The following PSEN1 variants were observed in gnomAD, a reference collection of about 807,000 sequenced individuals.
The protein encoded by PSEN1 is presenilin-1.
PSEN1 carries 15 observed loss-of-function variants against 53.5 expected under a neutral mutation model. That is an observed-to-expected ratio of 0.28 (90% CI 0.19 to 0.43). The LOEUF (loss-of-function observed/expected upper bound fraction) is 0.43, where lower values mean the gene tolerates loss of function less well. PSEN1 is among the 20% of genes least tolerant of loss of function. The pLI is 1.00. For synonymous variants in PSEN1, 208 were observed against 209.8 expected, an observed-to-expected ratio of 0.99 and a Z score of 0.08; for missense variants, 387 against 571.2, an observed-to-expected ratio of 0.68 and a Z score of 3.29.
intron 3 of PSEN1, among the ~76,000 whole-genome samples, chr14:73,157,110 T>G (rs1055752350): frequency 6.6e-6 from 1 of 150,794 alleles, no homozygotes; most frequent in Admixed American, 6.6e-5. Context: ...ACCTACACAC[T>G]CCCTTGAGAA....
intron 8 of PSEN1, among the ~76,000 whole-genome samples, chr14:73,204,585 A>G (rs535879353): frequency 1.3e-5 from 2 of 151,770 alleles, no homozygotes; most frequent in Admixed American, 6.6e-5. Flanking sequence ...TGAAATGTTT[A>G]CTCCCTGGCC....
intron 7 of PSEN1, among the ~76,000 whole-genome samples, chr14:73,193,708 G>A (rs746164478): frequency 6.6e-6 from 1 of 151,914 alleles, no homozygotes; most frequent in Non-Finnish European, 1.5e-5. Context: ...CCAGGCTGGG[G>A]TGCAGTGGCA....
At chr14:73,180,911 TAATTA>T (rs1898191731) in intron 5 of PSEN1, among the ~76,000 whole-genome samples, 1 of 152,266 alleles carries the variant, frequency 6.6e-6, no homozygotes, top group Admixed American at 6.5e-5. Context: ...CAGTGTGTAT[TAATTA>T]AATCAGTAAT....
chr14:73,218,175 C>T (rs1356218304), intron 11 of PSEN1, among the ~76,000 whole-genome samples: 2 of 149,462 alleles, frequency 1.3e-5, no homozygotes, highest in African/African-American at 5.0e-5. Context: ...CAACTTCTGC[C>T]TCCTAGGTTC....
chr14:73,163,160 A>G (rs1459566239), intron 3 of PSEN1, among the ~76,000 whole-genome samples: 2 of 152,222 alleles, frequency 1.3e-5, no homozygotes, highest in African/African-American at 2.4e-5. Flanking sequence ...TTGAAGTACA[A>G]TAACATTTGA....
At chr14:73,173,839 T>A in intron 5 of PSEN1, 132 bp downstream of exon 5, 1 of 1,106,896 alleles carries the variant, frequency 9.0e-7, no homozygotes, top group Non-Finnish European at 1.4e-6. Context: ...TTTTTAGTTT[T>A]CTTCCTCCTC....
At chr14:73,154,016 A>G (rs942042523) in intron 3 of PSEN1, among the ~76,000 whole-genome samples, 1 of 152,104 alleles carries the variant, frequency 6.6e-6, no homozygotes, top group Non-Finnish European at 1.5e-5. Flanking sequence ...GCCTGCCAAT[A>G]CATTTTCTTA....
At chr14:73,181,175 C>T (rs555932531) in intron 5 of PSEN1, among the ~76,000 whole-genome samples, 24 of 151,964 alleles carry the variant, frequency 1.6e-4, no homozygotes, top group African/African-American at 5.8e-4. Flanking sequence ...CGTGGTGGCT[C>T]ACGCATGTAA....
chr14:73,200,107 GAA>G (rs1393607484), intron 8 of PSEN1, among the ~76,000 whole-genome samples: 1 of 152,156 alleles, frequency 6.6e-6, no homozygotes, highest in Non-Finnish European at 1.5e-5. Context: ...GTCTGAGAGA[GAA>G]AGAGATCTAA....
intron 5 of PSEN1, among the ~76,000 whole-genome samples, chr14:73,183,552 G>A (rs1164665943): frequency 2.0e-5 from 3 of 152,006 alleles, no homozygotes; most frequent in Non-Finnish European, 4.4e-5. Context: ...ATCTTGCACC[G>A]CCCTTAATCC....
Position 73,211,938 on chromosome 14 carries a change from G to GGAA in PSEN1, c.1126_1128dup (p.Glu376dup). The GGAA allele has an allele frequency of 6.2e-7, 1 of 1,613,746 alleles. No homozygotes were observed. Among genetic ancestry groups the GGAA allele is most frequent in the Middle Eastern group, 1.6e-4 (1 of 6,062 alleles). On this transcript the variant is annotated inframe_insertion, in exon 10 of 12. Coordinates refer to ENST00000324501, the MANE Select transcript of PSEN1 (RefSeq NM_000021.4). ...GTATCCTCGCTGGTGAAGACCCAGAGGAAAGTATGTGCATTTCTCTATGTT... is the reference window on the plus strand; with the variant it reads ...GTATCCTCGCTGGTGAAGACCCAGAGGAAGAAAGTATGTGCATTTCTCTATGTT...
chr14:73,166,583 C>A (rs1897724241), intron 3 of PSEN1, among the ~76,000 whole-genome samples: 1 of 152,202 alleles, frequency 6.6e-6, no homozygotes, highest in Admixed American at 6.5e-5. Context: ...TGCTGAACAT[C>A]AATTGCAGAT....
intron 5 of PSEN1, among the ~76,000 whole-genome samples, chr14:73,178,214 C>T (rs1168029244): frequency 6.8e-6 from 1 of 148,128 alleles, no homozygotes; most frequent in African/African-American, 2.6e-5. Context: ...CCACCACACC[C>T]GGCCCTTTTT....
At chr14:73,191,531 T>C (rs1403600095) in intron 6 of PSEN1, among the ~76,000 whole-genome samples, 8 of 152,088 alleles carry the variant, frequency 5.3e-5, no homozygotes, top group Admixed American at 5.2e-4. Flanking sequence ...AATTCCAAAA[T>C]ACGTACATAT....
At position 73,170,801 on chromosome 14, in the gene PSEN1, A is replaced by T; in HGVS notation, c.92A>T (p.Asp31Val). ...ATGTTTTTCTTGTGCTTATAGAATG[A>T]CAATAGAGAACGGCAGGAGCACAAC... ...HLSNTVRSQN[D>V]NRERQEHNDR... Residue 31 changes from aspartate (D) to valine (V), a missense_variant, in exon 4 of 12, where the codon GAC (aspartate) becomes GTC (valine). Transcript: ENST00000324501. 6.2e-7 allele frequency: 1 copy of T among 1,614,206 alleles called. No individual in the cohort carries two copies. The highest frequency in any genetic ancestry group is 1.3e-5 in the African/African-American group (1 of 75,054).
At position 73,202,470 on chromosome 14, in the gene PSEN1, T is replaced by A. The variant is rs1311804490; in HGVS notation, c.869-3916T>A. 4.8e-3 allele frequency among the ~76,000 whole-genome samples: 251 copies of A among 52,142 alleles called. 2 individuals are homozygous for A. Among genetic ancestry groups the A allele is most frequent in the African/African-American group, 0.012 (159 of 12,824 alleles). 34.2% of individuals were successfully genotyped at this position (52,142 alleles called of 152,430 possible). On this transcript the variant is annotated intron_variant, in intron 8 of 11. Coordinates refer to ENST00000324501, the MANE Select transcript of PSEN1 (RefSeq NM_000021.4). ...TATATATATATATATATATTTTTTT[T>A]TTTTTTTTTTTTTTTTTTTTTTGAG...
intron 10 of PSEN1, among the ~76,000 whole-genome samples, chr14:73,216,650 T>C (rs1899926227): frequency 6.6e-6 from 1 of 151,498 alleles, no homozygotes; most frequent in South Asian, 2.1e-4. Flanking sequence ...TCCCACCTAC[T>C]CAGGAGGCTG....
Position 73,222,643 on chromosome 14 carries a change from T to A in PSEN1, c.*3354T>A, listed in dbSNP as rs1226002428. 2 of 152,262 alleles carry A rather than the reference T, an allele frequency of 1.3e-5. No homozygotes were observed. The highest frequency in any genetic ancestry group is 4.8e-5 in the African/African-American group (2 of 41,474). The allele number at this position is 152,262 out of a possible 1,614,324, so 9.4% of individuals were successfully genotyped here. ...TGGAGTCTGAGGATGCAAAGATGAA[T>A]AAGATAAATTCTCAGAATGTAGTTA... On this transcript the variant is annotated 3_prime_UTR_variant, in exon 12 of 12. Coordinates refer to ENST00000324501, the MANE Select transcript of PSEN1 (RefSeq NM_000021.4).
intron 11 of PSEN1, among the ~76,000 whole-genome samples, chr14:73,217,977 AG>A (rs1899986430): frequency 6.6e-6 from 1 of 151,004 alleles, no homozygotes; most frequent in African/African-American, 2.4e-5. Context: ...TAGTAGAAAC[AG>A]GGTTTCACCA....
Sources: gnomAD v4.1 joint callset for allele counts (sites outside exome capture counted in the v4.1 genomes callset) on GRCh38, gnomAD v4.1.1 for gene constraint, MANE v1.5 for transcripts, NCBI Gene and HGNC (gene_info 2026-07-23, HGNC 2026-07-21) for gene names.